Variants in TPTE observed in about 807,000 individuals in gnomAD.
TPTE encodes the protein transmembrane phosphatase with tensin homology.
A neutral mutation model predicts 84.1 loss-of-function variants in TPTE; 59 were observed. That is an observed-to-expected ratio of 0.70 (90% CI 0.57 to 0.87). The LOEUF (loss-of-function observed/expected upper bound fraction) is 0.87, where lower values mean the gene tolerates loss of function less well. Among genes scored for constraint, TPTE ranks in the 40% least tolerant of loss-of-function variants. The pLI, the probability that TPTE is intolerant of heterozygous loss-of-function variation, is 0.00. For missense variants in TPTE, 382 were observed against 659.6 expected, an observed-to-expected ratio of 0.58 and a Z score of 4.61; for synonymous variants, 130 against 223.5, an observed-to-expected ratio of 0.58 and a Z score of 3.73.
intron 9 of TPTE, among the ~76,000 whole-genome samples, chr21:10,559,952 T>A (rs1321114463): frequency 6.6e-6 from 1 of 152,110 alleles, no homozygotes; most frequent in African/African-American, 2.4e-5. Context: ...ATATGAGACT[T>A]AATACTTCAA....
At chr21:10,525,998 A>T (rs1164967950) in intron 2 of TPTE, among the ~76,000 whole-genome samples, 2 of 152,298 alleles carry the variant, frequency 1.3e-5, no homozygotes, top group African/African-American at 2.4e-5. Flanking sequence ...TAATCATTTA[A>T]TAAGGCTGCT....
chr21:10,579,344 G>A (rs1407638770), intron 17 of TPTE, among the ~76,000 whole-genome samples: 2 of 152,310 alleles, frequency 1.3e-5, no homozygotes, highest in South Asian at 4.1e-4. Context: ...CAAAACATTA[G>A]CCAGGTGTGG....
At chr21:10,539,001 C>A (rs1464443780) in intron 4 of TPTE, among the ~76,000 whole-genome samples, 2 of 152,308 alleles carry the variant, frequency 1.3e-5, no homozygotes, top group South Asian at 2.1e-4. Context: ...CAATTCTTCT[C>A]CTAGTAGCCT....
At chr21:10,590,603 A>G in intron 18 of TPTE, 80 bp downstream of exon 18, 7 of 1,599,186 alleles carry the variant, frequency 4.4e-6, no homozygotes, top group Middle Eastern at 3.4e-4. Context: ...GGACATTAAG[A>G]TGATTATTTT....
At chr21:10,558,838 TCTC>T (rs1341932290) in intron 8 of TPTE, among the ~76,000 whole-genome samples, 3 of 152,292 alleles carry the variant, frequency 2.0e-5, no homozygotes, top group African/African-American at 7.2e-5. Context: ...AGCTACCTTG[TCTC>T]CAGCCATAAG....
At chr21:10,537,064 G>A (rs2074279356) in intron 3 of TPTE, among the ~76,000 whole-genome samples, 1 of 152,308 alleles carries the variant, frequency 6.6e-6, no homozygotes, top group African/African-American at 2.4e-5. Flanking sequence ...CTGTGTGAGA[G>A]CAGAGAAGAC....
intron 14 of TPTE, among the ~76,000 whole-genome samples, chr21:10,572,611 G>GAAA (rs397944742): frequency 4.0e-5 from 6 of 150,880 alleles, no homozygotes; most frequent in African/African-American, 1.5e-4. Context: ...AGTACCGAAG[G>GAAA]AAAAAAAAAA....
intron 22 of TPTE, among the ~76,000 whole-genome samples, chr21:10,603,207 A>G (rs1465276771): frequency 2.0e-4 from 30 of 152,346 alleles, no homozygotes; most frequent in African/African-American, 7.2e-4. Flanking sequence ...CAACAAAAAA[A>G]TTACAAGAAT....
chr21:10,550,423 A>G (rs939657456), intron 7 of TPTE, among the ~76,000 whole-genome samples: 3 of 152,306 alleles, frequency 2.0e-5, no homozygotes, highest in African/African-American at 7.2e-5. Context: ...CAAAGTGAGC[A>G]GGGATAGCTA....
chr21:10,604,610 G>GT (rs111408957), intron 23 of TPTE, among the ~76,000 whole-genome samples: 599 of 149,916 alleles, frequency 4.0e-3, no homozygotes, highest in African/African-American at 0.01. Flanking sequence ...TTTTTTACAA[G>GT]TTTTTTTTTT....
intron 3 of TPTE, among the ~76,000 whole-genome samples, chr21:10,531,324 A>C (rs1365696038): frequency 6.6e-6 from 1 of 152,312 alleles, no homozygotes; most frequent in African/African-American, 2.4e-5. Context: ...TAGTTCTTGC[A>C]AGAGCTGGTG....
intron 21 of TPTE, among the ~76,000 whole-genome samples, chr21:10,601,562 C>T (rs1329261256): frequency 2.0e-5 from 3 of 152,290 alleles, no homozygotes; most frequent in South Asian, 2.1e-4. Context: ...CTTTAAAAGA[C>T]ATAAACAACA....
At chr21:10,576,245 G>A (rs1276886478) in intron 14 of TPTE, 2 of 184,504 alleles carry the variant, frequency 1.1e-5, no homozygotes, top group South Asian at 8.8e-5. Flanking sequence ...TCTGGCTTCT[G>A]AGCGGGAACC....
At chr21:10,562,677 GAATT>G (rs2074833044) in intron 10 of TPTE, among the ~76,000 whole-genome samples, 1 of 152,304 alleles carries the variant, frequency 6.6e-6, no homozygotes, top group African/African-American at 2.4e-5. Context: ...CCAGAAGAAA[GAATT>G]AATGAGCTTG....
intron 10 of TPTE, among the ~76,000 whole-genome samples, chr21:10,566,334 T>C (rs2074920641): frequency 6.6e-6 from 1 of 152,302 alleles, no homozygotes; most frequent in African/African-American, 2.4e-5. Flanking sequence ...TAAAATGGTT[T>C]ATATCCAAAA....
chr21:10,546,077 A>G (rs1422062178), intron 7 of TPTE, among the ~76,000 whole-genome samples: 1 of 152,308 alleles, frequency 6.6e-6, no homozygotes, highest in South Asian at 2.1e-4. Context: ...TTTTTTGTAA[A>G]CTGAAGGTTT....
chr21:10,591,387 A>C (rs1487025674), intron 18 of TPTE, among the ~76,000 whole-genome samples: 1 of 152,422 alleles, frequency 6.6e-6, no homozygotes, highest in Non-Finnish European at 1.5e-5. Flanking sequence ...TGAGATACAC[A>C]GATTTTGAAA....
In TPTE at chr21:10,596,016, ATC is replaced by A. The variant is rs768058702; in HGVS notation, c.1209_1210del (p.Tyr404GlnfsTer26). ...GTTGCATATTTTGCACAAGTGAAAC[ATC>A]TCTACAACTGGAATCTCCCTCCAAG... On this transcript the variant is annotated frameshift_variant, in exon 20 of 24. Transcript: ENST00000618007. LOFTEE classifies it high-confidence loss of function. 1.2e-6 allele frequency: 2 copies of A among 1,613,954 alleles called. No homozygotes were observed. Among genetic ancestry groups the A allele is most frequent in the South Asian group, 2.2e-5 (2 of 91,072 alleles).
chr21:10,551,674 A>AT (rs1304393645), intron 7 of TPTE, among the ~76,000 whole-genome samples: 1 of 152,020 alleles, frequency 6.6e-6, no homozygotes, highest in Non-Finnish European at 1.5e-5. Flanking sequence ...AGCTAGACTA[A>AT]TTAAGAAAAA....
Sources: allele counts gnomAD v4.1 joint callset (sites outside exome capture counted in the v4.1 genomes callset), GRCh38; gene constraint gnomAD v4.1.1; transcripts MANE v1.5; gene names NCBI Gene and HGNC (gene_info 2026-07-23, HGNC 2026-07-21).